FAM53A: variants seen among roughly 807,000 people sequenced by gnomAD.
FAM53A encodes the protein protein FAM53A.
Under a neutral mutation model 26.6 loss-of-function variants are expected in FAM53A, and 28 were observed. The ratio of observed to expected loss-of-function variants is 1.05; its 90% CI spans 0.78 to 1.45. The LOEUF is 1.45. Among genes scored for constraint, FAM53A ranks in the 40% most tolerant of loss-of-function variants. The pLI, the probability that FAM53A is intolerant of heterozygous loss-of-function variation, is 0.00. For synonymous variants in FAM53A, 290 were observed against 253.1 expected, an observed-to-expected ratio of 1.15 and a Z score of -1.38; for missense variants, 650 against 575.8, an observed-to-expected ratio of 1.13 and a Z score of -1.32.
At chr4:1,582,915 T>C in the FAM53A span, among the ~76,000 whole-genome samples, 3 of 152,176 alleles carry the variant, frequency 2.0e-5, no homozygotes, top group African/African-American at 7.2e-5. Flanking sequence ...ACCTTGGGAT[T>C]GGATTTCTAG....
exon 2 of FAM53A, chr4:1,618,093 A>C (rs1170625834): frequency 2.2e-6 from 1 of 456,382 alleles, no homozygotes; most frequent in Non-Finnish European, 4.4e-6. Context: ...ATACTTGGTG[A>C]AACAGTCCGT....
At chr4:1,594,876 C>A in the FAM53A span, among the ~76,000 whole-genome samples, 1 of 152,334 alleles carries the variant, frequency 6.6e-6, no homozygotes, top group South Asian at 2.1e-4. Flanking sequence ...TTAAGTTTTA[C>A]AAAGTTCACA....
At chr4:1,642,507 C>T (rs1365062802) in intron 4 of FAM53A, among the ~76,000 whole-genome samples, 3 of 152,144 alleles carry the variant, frequency 2.0e-5, no homozygotes, top group Non-Finnish European at 4.4e-5. Flanking sequence ...CCCCAGGCTG[C>T]ACCCCCCAAC....
chr4:1,675,333 C>CTT (rs2109040641), intron 1 of FAM53A, among the ~76,000 whole-genome samples: 1 of 152,246 alleles, frequency 6.6e-6, no homozygotes, highest in South Asian at 2.1e-4. Context: ...TCAGGCATCC[C>CTT]TTGCCCCTAC....
At chr4:1,611,694 T>C in the FAM53A span, among the ~76,000 whole-genome samples, 1 of 152,270 alleles carries the variant, frequency 6.6e-6, no homozygotes, top group Admixed American at 6.5e-5. Flanking sequence ...GCAGTCTCTG[T>C]CCACACGGTG....
chr4:1,580,217 G>A, the FAM53A span: 1 of 152,226 alleles, frequency 6.6e-6, no homozygotes, highest in South Asian at 2.1e-4. Flanking sequence ...ATCCGTCGAT[G>A]ATGGAGTGCG....
the FAM53A span, among the ~76,000 whole-genome samples, chr4:1,588,819 A>C: frequency 6.6e-5 from 10 of 152,254 alleles, no homozygotes; most frequent in Non-Finnish European, 1.5e-4. Flanking sequence ...TTATGCATAA[A>C]TGGACAATGA....
intron 2 of FAM53A, among the ~76,000 whole-genome samples, chr4:1,658,490 A>G (rs55712932): frequency 0.28 from 42,164 of 152,162 alleles, 6,456 homozygotes; most frequent in Middle Eastern, 0.46. Context: ...CCCACCTGCA[A>G]CAGCTCAGAC....
the FAM53A span, among the ~76,000 whole-genome samples, chr4:1,602,008 AGGACGGGGGAGGTG>A: frequency 3.7e-5 from 1 of 27,046 alleles, no homozygotes; most frequent in African/African-American, 1.8e-4. Flanking sequence ...CGGGGGAGGT[AGGACGGGGGAGGTG>A]GGATGGTGGA....
Position 1,625,657 on chromosome 4 carries a change from C to T in FAM53A, c.432-7546G>A, listed in dbSNP as rs1240760639. Among the ~76,000 whole-genome samples the T allele has an allele frequency of 4.0e-5, 5 of 126,566 alleles. No individual in the cohort carries two copies. In the East Asian group the frequency reaches 1.0e-3, roughly 26 times the overall value. The allele number at this position is 126,566 out of a possible 152,430, so 83.0% of individuals were successfully genotyped here. A position where few individuals can be genotyped will look rare whatever the true frequency, so the allele number is the denominator to read the frequency against. ...CAGGTGATCAGAAGGCCCCACGTCCCGACCCACGTGGTCAGGGTCACGCCA... is the reference window on the plus strand; with the variant it reads ...CAGGTGATCAGAAGGCCCCACGTCCTGACCCACGTGGTCAGGGTCACGCCA... On this transcript the variant is annotated intron_variant, in intron 1 of 1. Transcript: ENST00000489029.
In FAM53A at chr4:1,654,977, C is replaced by A. The variant is rs772912617; in HGVS notation, c.882+1G>T. 6.6e-7 allele frequency: 1 copy of A among 1,515,552 alleles called. No homozygotes were observed. Among genetic ancestry groups the A allele is most frequent in the Middle Eastern group, 1.8e-4 (1 of 5,646 alleles). 93.9% of individuals were successfully genotyped at this position (1,515,552 alleles called of 1,614,324 possible). A position where few individuals can be genotyped will look rare whatever the true frequency, so the allele number is the denominator to read the frequency against. Reference sequence around the variant, plus strand: ...AGCCCCTGGAAATAAGAAAGCCTCACCTGGGTCATTTTCAGGAAGTCCAAG... The same window carrying A: ...AGCCCCTGGAAATAAGAAAGCCTCAACTGGGTCATTTTCAGGAAGTCCAAG... On this transcript the variant is annotated splice_donor_variant, in intron 4 of 4. Coordinates refer to ENST00000308132, the MANE Select transcript of FAM53A (RefSeq NM_001174070.3). LOFTEE classifies it high-confidence loss of function.
chr4:1,638,798 A>G (rs1715965185), downstream of FAM53A, among the ~76,000 whole-genome samples: 1 of 152,118 alleles, frequency 6.6e-6, no homozygotes, highest in Non-Finnish European at 1.5e-5. Flanking sequence ...GTGAGCAGTC[A>G]GTGGCCCCCC....
At chr4:1,672,339 T>C (rs1283748405) in intron 1 of FAM53A, among the ~76,000 whole-genome samples, 14 of 67,612 alleles carry the variant, frequency 2.1e-4, no homozygotes, top group Non-Finnish European at 4.6e-4. Flanking sequence ...CAGGAACCCA[T>C]AGACCCATGG....
At chr4:1,632,244 C>T (rs185016357) in intron 1 of FAM53A, among the ~76,000 whole-genome samples, 105 of 151,680 alleles carry the variant, frequency 6.9e-4, no homozygotes, top group Non-Finnish European at 5.0e-4. Flanking sequence ...TCACACGAGT[C>T]GGTCCTAATC....
chr4:1,647,878 T>C (rs1421126563), intron 4 of FAM53A, among the ~76,000 whole-genome samples: 2 of 152,214 alleles, frequency 1.3e-5, no homozygotes, highest in African/African-American at 2.4e-5. Context: ...AGAGCATTTC[T>C]TTTTGGCCCT....
At chr4:1,607,912 C>A in the FAM53A span, among the ~76,000 whole-genome samples, 111 of 149,134 alleles carry the variant, frequency 7.4e-4, no homozygotes, top group African/African-American at 2.7e-3. Flanking sequence ...TGCACTCCAA[C>A]CTGGGCAAAA....
At chr4:1,598,336 T>C in the FAM53A span, among the ~76,000 whole-genome samples, 1 of 152,234 alleles carries the variant, frequency 6.6e-6, no homozygotes, top group South Asian at 2.1e-4. Context: ...CTCCAAACGC[T>C]GCGCCTTCCG....
intron 1 of FAM53A, among the ~76,000 whole-genome samples, chr4:1,674,936 G>C (rs1447805231): frequency 3.9e-5 from 6 of 152,214 alleles, no homozygotes; most frequent in Admixed American, 3.9e-4. Context: ...GGAAGGAGCA[G>C]TTCAGGACCA....
chr4:1,603,064 G>C, the FAM53A span, among the ~76,000 whole-genome samples: 1 of 152,182 alleles, frequency 6.6e-6, no homozygotes, highest in Non-Finnish European at 1.5e-5. Context: ...CAGAGGTTGC[G>C]TCCTCTCGCC....
Sources: gnomAD v4.1 joint callset for allele counts (sites outside exome capture counted in the v4.1 genomes callset) on GRCh38, gnomAD v4.1.1 for gene constraint, MANE v1.5 for transcripts, NCBI Gene and HGNC (gene_info 2026-07-23, HGNC 2026-07-21) for gene names.